USP6NL: variants seen among roughly 807,000 people sequenced by gnomAD.
USP6NL encodes the protein USP6 N-terminal like, also known as USP6 N-terminal-like protein.
A neutral mutation model predicts 61.9 loss-of-function variants in USP6NL; 26 were observed. The ratio of observed to expected loss-of-function variants is 0.42; its 90% CI spans 0.31 to 0.58. USP6NL has a LOEUF of 0.58. USP6NL is among the 20% of genes least tolerant of loss of function. The pLI, the probability that USP6NL is intolerant of heterozygous loss-of-function variation, is 0.16. For missense variants in USP6NL, 1,114 were observed against 1,034.3 expected (o/e 1.08, Z -1.06); for synonymous variants, 432 against 390.1 (o/e 1.11, Z -1.27).
intron 2 of USP6NL, among the ~76,000 whole-genome samples, chr10:11,547,166 G>C (rs1016012374): frequency 2.6e-4 from 40 of 152,124 alleles, no homozygotes; most frequent in African/African-American, 9.7e-4. Context: ...ATCTATAAAA[G>C]AAAAACAATG....
rs181199793 is a variant in USP6NL at position 11,585,346 on chromosome 10, G to A, written c.4+12285C>T. Reference sequence around the variant, plus strand: ...TATGATCCAGCAATTCCACTTCTTGGTACAGACCCAGAAGAATTGAAAGCA... The same window carrying A: ...TATGATCCAGCAATTCCACTTCTTGATACAGACCCAGAAGAATTGAAAGCA... On this transcript the variant is annotated intron_variant, in intron 2 of 14. Transcript: ENST00000609104. The surrounding 1 kb of genome is among the most constrained non-coding windows in gnomAD (Gnocchi z 4.5). Among the ~76,000 whole-genome samples, 1 of 152,252 alleles carries A rather than the reference G, an allele frequency of 6.6e-6. No homozygotes were observed. The highest frequency in any genetic ancestry group is 2.4e-5 in the African/African-American group (1 of 41,546).
intron 1 of USP6NL, among the ~76,000 whole-genome samples, chr10:11,603,427 A>C (rs1426082087): frequency 6.6e-6 from 1 of 152,242 alleles, no homozygotes; most frequent in African/African-American, 2.4e-5. Flanking sequence ...AGAACTGCAC[A>C]TAATGCCTGT....
At chr10:11,471,409 T>A (rs1832743970) in intron 14 of USP6NL, among the ~76,000 whole-genome samples, 3 of 152,150 alleles carry the variant, frequency 2.0e-5, no homozygotes, top group Admixed American at 6.5e-5. Flanking sequence ...ATTGTGGAAG[T>A]CAGTGTGGCG....
rs375845140 is a variant in USP6NL, at chr10:11,475,453, G to A, written c.1078+6317C>T. Reference sequence around the variant, plus strand: ...ACTAAAAAAAATTACAAAATTAGCCGGGCGTGGTGGCATATGCCTATAATC... The same window carrying A: ...ACTAAAAAAAATTACAAAATTAGCCAGGCGTGGTGGCATATGCCTATAATC... On this transcript the variant is annotated intron_variant, in intron 14 of 14. Coordinates refer to ENST00000609104, the MANE Select transcript of USP6NL (RefSeq NM_014688.5). 4.1e-4 allele frequency among the ~76,000 whole-genome samples: 63 copies of A among 151,928 alleles called. 1 individual carries two copies. The South Asian group carries it at 0.012, about 28-fold the overall frequency.
At chr10:11,608,724 C>A (rs971452026) in intron 1 of USP6NL, among the ~76,000 whole-genome samples, 3 of 152,210 alleles carry the variant, frequency 2.0e-5, no homozygotes, top group Non-Finnish European at 4.4e-5. Flanking sequence ...CTGGGGTACA[C>A]AGAAGGCACT....
chr10:11,480,406 C>T (rs1833148005), intron 14 of USP6NL, among the ~76,000 whole-genome samples: 1 of 152,078 alleles, frequency 6.6e-6, no homozygotes, highest in Non-Finnish European at 1.5e-5. Context: ...TTTGCCTTGA[C>T]CTCTTTTTAT....
At chr10:11,544,151 C>T (rs1836183477) in intron 2 of USP6NL, among the ~76,000 whole-genome samples, 1 of 151,866 alleles carries the variant, frequency 6.6e-6, no homozygotes, top group Non-Finnish European at 1.5e-5. Flanking sequence ...CCAAATGTTC[C>T]ACCCTCAATT....
In USP6NL at chr10:11,556,244, A is replaced by G. The variant is rs114782340; in HGVS notation, c.5-28677T>C. ...CAGTACTAATTTGTTATAAATTTGA[A>G]TAAGTCAGGGATTAATAATGTAATC... is the stretch of plus-strand genomic sequence containing the variant. On this transcript the variant is annotated intron_variant, in intron 2 of 14. Transcript: ENST00000609104. 2.1e-3 allele frequency among the ~76,000 whole-genome samples: 315 copies of G among 152,360 alleles called. 1 individual carries two copies. The highest frequency in any genetic ancestry group is 7.2e-3 in the African/African-American group (298 of 41,592).
intron 4 of USP6NL, among the ~76,000 whole-genome samples, chr10:11,521,534 C>G (rs1835209207): frequency 6.6e-6 from 1 of 151,908 alleles, no homozygotes; most frequent in Admixed American, 6.6e-5. Context: ...GAGCGCGCCA[C>G]CACGCCTGGC....
intron 2 of USP6NL, among the ~76,000 whole-genome samples, chr10:11,529,984 C>T (rs1230747455): frequency 6.6e-6 from 1 of 151,680 alleles, no homozygotes; most frequent in Non-Finnish European, 1.5e-5. Context: ...GCCTGTGGTC[C>T]CAGCTTAGTC....
intron 6 of USP6NL, 147 bp from the exon 7 acceptor site, chr10:11,501,355 G>A (rs957405347): frequency 1.6e-6 from 1 of 619,208 alleles, no homozygotes; most frequent in African/African-American, 1.8e-5. Context: ...GCACATGGAG[G>A]TACTGTCATC....
intron 14 of USP6NL, among the ~76,000 whole-genome samples, 183 bp from the exon 15 acceptor site, chr10:11,464,032 G>GGTA (rs1218812052): frequency 6.6e-6 from 1 of 152,142 alleles, no homozygotes; most frequent in African/African-American, 2.4e-5. Context: ...ACAGAAAGTT[G>GGTA]GTAGCTGATG....
In USP6NL at chr10:11,463,411, C is replaced by T; in HGVS notation, c.1517G>A (p.Gly506Asp). Residue 506 changes from glycine (G) to aspartate (D), a missense_variant, in exon 15 of 15, where the codon GGC becomes GAC. Gly to Asp is a moderately conservative substitution (Grantham distance 94, BLOSUM62 -1). Transcript: ENST00000609104. The surrounding 1 kb of genome is among the most constrained non-coding windows in gnomAD (Gnocchi z 6.3). ...TERTAKYTME[G>D]KGRAAHPALA... ...CGCGGGGTGCGCTGCTCGACCTTTG[C>T]CTTCCATGGTGTATTTGGCAGTTCT... 6.2e-7 allele frequency: 1 copy of T among 1,614,040 alleles called. No homozygotes were observed. Among genetic ancestry groups the T allele is most frequent in the East Asian group, 2.2e-5 (1 of 44,886 alleles).
chr10:11,568,572 C>T (rs1242433141), intron 2 of USP6NL, among the ~76,000 whole-genome samples: 1 of 152,172 alleles, frequency 6.6e-6, no homozygotes, highest in Non-Finnish European at 1.5e-5. Context: ...AAATGACATG[C>T]TTTTACTTCT....
intron 14 of USP6NL, among the ~76,000 whole-genome samples, chr10:11,472,354 A>T (rs11257113): frequency 0.11 from 17,312 of 152,220 alleles, 1,295 homozygotes; most frequent in East Asian, 0.16. Flanking sequence ...GCCACACTCA[A>T]CTACAAGCCT....
chr10:11,480,510 G>T (rs1056751799), intron 14 of USP6NL, among the ~76,000 whole-genome samples: 1 of 152,144 alleles, frequency 6.6e-6, no homozygotes, highest in African/African-American at 2.4e-5. Context: ...CACTGAACAG[G>T]AGAGGGCTGA....
chr10:11,582,275 A>G (rs375761974), intron 2 of USP6NL, among the ~76,000 whole-genome samples: 3 of 152,016 alleles, frequency 2.0e-5, no homozygotes, highest in East Asian at 3.9e-4. Context: ...CAATTTTTTT[A>G]TTTTTAGTAG....
At chr10:11,534,434 A>C (rs928644795) in intron 2 of USP6NL, among the ~76,000 whole-genome samples, 1 of 152,244 alleles carries the variant, frequency 6.6e-6, no homozygotes, top group African/African-American at 2.4e-5. Context: ...AGACATTTCC[A>C]AATGCCAACT....
rs538264944 is a variant in USP6NL, at chr10:11,462,675, T to C, written c.2253A>G (p.Ser751=). 1.3e-5 allele frequency: 21 copies of C among 1,614,010 alleles called. No homozygotes were observed. In the African/African-American group the frequency reaches 1.7e-4, roughly 13 times the overall value. The change falls in exon 15 of 15, where the codon TCA becomes TCG. Residue 751 remains serine, a synonymous_variant. Transcript: ENST00000609104. The part of the protein sequence containing the change: ...YTYRPETQGQ[S]WTRDASRGNL... The stretch of plus-strand genomic sequence containing the variant: ...TGCCACGGCTAGCATCTCGGGTCCA[T>C]GATTGTCCCTGCGTCTCAGGTCTGT...
Sources: gnomAD v4.1 joint callset for allele counts (sites outside exome capture counted in the v4.1 genomes callset) on GRCh38, gnomAD v4.1.1 for gene constraint, Gnocchi (gnomAD v3.1) non-coding constraint, MANE v1.5 for transcripts, NCBI Gene and HGNC (gene_info 2026-07-23, HGNC 2026-07-21) for gene names.